The following FAM163A variants were observed in gnomAD, a reference collection of about 807,000 sequenced individuals.
FAM163A encodes the protein protein FAM163A.
Under a neutral mutation model 12.0 loss-of-function variants are expected in FAM163A, and 7 were observed. The observed-to-expected ratio is 0.58, with a 90% CI of 0.33 to 1.10. The LOEUF is 1.10. FAM163A is among the 50% of genes least tolerant of loss of function. The probability of loss-of-function intolerance (pLI) is 0.03; values close to 1 mark genes in which losing one functional copy is unlikely to be tolerated. For synonymous variants in FAM163A, 101 were observed against 91.0 expected (o/e 1.11, Z -0.62); for missense variants, 202 against 218.6 (o/e 0.92, Z 0.48).
At chr1:179,735,809 G>A in the FAM163A span, among the ~76,000 whole-genome samples, 1 of 152,060 alleles carries the variant, frequency 6.6e-6, no homozygotes, top group Admixed American at 6.6e-5. Flanking sequence ...AGCCGAAAGA[G>A]CTACATTCTA....
intron 1 of FAM163A, among the ~76,000 whole-genome samples, chr1:179,788,204 C>A (rs1012990729): frequency 2.0e-5 from 3 of 152,188 alleles, no homozygotes; most frequent in Admixed American, 6.5e-5. Flanking sequence ...TCCAGTCAAG[C>A]CAAGAGAATT....
At chr1:179,732,609 C>T in the FAM163A span, among the ~76,000 whole-genome samples, 1 of 151,966 alleles carries the variant, frequency 6.6e-6, no homozygotes, top group Admixed American at 6.6e-5. Flanking sequence ...AGGCAGGATG[C>T]GGTGGCTCAC....
intron 1 of FAM163A, among the ~76,000 whole-genome samples, chr1:179,754,130 CTT>C (rs973658180): frequency 3.3e-5 from 5 of 151,452 alleles, no homozygotes; most frequent in Non-Finnish European, 7.4e-5. Flanking sequence ...GCACCAGTCT[CTT>C]TTTTTTTCTA....
At chr1:179,761,826 C>CT (rs112730979) in intron 1 of FAM163A, among the ~76,000 whole-genome samples, 2,536 of 147,906 alleles carry the variant, frequency 0.017, 57 homozygotes, top group African/African-American at 0.055. Context: ...GATTGAATGC[C>CT]TTTTTTTTTT....
At chr1:179,803,242 G>C (rs1009092293) in intron 1 of FAM163A, among the ~76,000 whole-genome samples, 1 of 152,216 alleles carries the variant, frequency 6.6e-6, no homozygotes, top group African/African-American at 2.4e-5. Flanking sequence ...CAGAGAAATT[G>C]AGATCAGCTG....
At chr1:179,732,228 A>G in the FAM163A span, among the ~76,000 whole-genome samples, 1 of 152,230 alleles carries the variant, frequency 6.6e-6, no homozygotes, top group Non-Finnish European at 1.5e-5. Context: ...CTCATTTACT[A>G]CATTACCCCA....
At chr1:179,741,301 T>C (rs1683608950), upstream of FAM163A, among the ~76,000 whole-genome samples, 1 of 152,264 alleles carries the variant, frequency 6.6e-6, no homozygotes, top group African/African-American at 2.4e-5. Context: ...TTGGCAAGGA[T>C]GCGGAGCAAT....
chr1:179,761,634 A>G (rs1435321638), intron 1 of FAM163A, among the ~76,000 whole-genome samples: 1 of 152,232 alleles, frequency 6.6e-6, no homozygotes, highest in Non-Finnish European at 1.5e-5. Context: ...TCAAAATAGT[A>G]TAGTCCATCA....
chr1:179,780,068 G>A (rs1476347193), intron 1 of FAM163A, among the ~76,000 whole-genome samples: 4 of 152,218 alleles, frequency 2.6e-5, no homozygotes, highest in Non-Finnish European at 2.9e-5. Context: ...TGTCCCTGGA[G>A]TACAAGATAT....
chr1:179,792,098 A>G (rs1184564631), intron 1 of FAM163A, among the ~76,000 whole-genome samples: 1 of 152,106 alleles, frequency 6.6e-6, no homozygotes, highest in East Asian at 1.9e-4. Flanking sequence ...AAGTTTCTCA[A>G]TCTCTCTGAT....
chr1:179,804,763 A>G (rs1693683889), intron 1 of FAM163A, among the ~76,000 whole-genome samples: 1 of 152,234 alleles, frequency 6.6e-6, no homozygotes, highest in African/African-American at 2.4e-5. Flanking sequence ...ATGAGAACCC[A>G]TGAACACAGA....
At chr1:179,800,918 T>C (rs1238850462) in intron 1 of FAM163A, among the ~76,000 whole-genome samples, 1 of 152,064 alleles carries the variant, frequency 6.6e-6, no homozygotes, top group Non-Finnish European at 1.5e-5. Context: ...CAGGCATAAC[T>C]CAAATATGAG....
At chr1:179,738,713 C>A (rs1683279659), upstream of FAM163A, among the ~76,000 whole-genome samples, 1 of 152,132 alleles carries the variant, frequency 6.6e-6, no homozygotes, top group Admixed American at 6.5e-5. Context: ...AAATTAGATA[C>A]CTATAGCTAA....
intron 1 of FAM163A, among the ~76,000 whole-genome samples, chr1:179,803,037 G>T (rs535408181): frequency 6.6e-6 from 1 of 151,998 alleles, no homozygotes; most frequent in Non-Finnish European, 1.5e-5. Context: ...CTCATCCTGG[G>T]GGTCAGGACT....
At chr1:179,763,897 G>C (rs1687136833) in intron 1 of FAM163A, among the ~76,000 whole-genome samples, 2 of 152,164 alleles carry the variant, frequency 1.3e-5, no homozygotes, top group Non-Finnish European at 2.9e-5. Flanking sequence ...GGAGGAGTCT[G>C]AATTCCTCCC....
intron 1 of FAM163A, among the ~76,000 whole-genome samples, chr1:179,755,375 G>A (rs1479305215): frequency 2.0e-5 from 3 of 152,122 alleles, no homozygotes; most frequent in Admixed American, 6.5e-5. Context: ...TAGTGGGTGA[G>A]TGAAATGAAA....
At chr1:179,754,724 G>A (rs1685759172) in intron 1 of FAM163A, among the ~76,000 whole-genome samples, 1 of 152,220 alleles carries the variant, frequency 6.6e-6, no homozygotes. Context: ...GCGATGAGAG[G>A]CTAAACAGTA....
At chr1:179,768,252 A>C (rs1404081568) in intron 1 of FAM163A, among the ~76,000 whole-genome samples, 1 of 152,202 alleles carries the variant, frequency 6.6e-6, no homozygotes, top group African/African-American at 2.4e-5. Context: ...CATTTGGGTC[A>C]CTTCCTCAGA....
chr1:179,806,320 A>C (rs1198489455), intron 1 of FAM163A, among the ~76,000 whole-genome samples: 1 of 152,196 alleles, frequency 6.6e-6, no homozygotes, highest in South Asian at 2.1e-4. Flanking sequence ...TAAACTCTAC[A>C]TCACAGGTTA....
Sources: allele counts gnomAD v4.1 joint callset (sites outside exome capture counted in the v4.1 genomes callset), GRCh38; gene constraint gnomAD v4.1.1; transcripts MANE v1.5; gene names NCBI Gene and HGNC (gene_info 2026-07-23, HGNC 2026-07-21).